SERINC3: variants seen among roughly 807,000 people sequenced by gnomAD.
The protein encoded by SERINC3 is tumor differentially expressed protein 1.
In SERINC3, 22 loss-of-function variants were observed where a neutral mutation model predicts 52.1. That is an observed-to-expected ratio of 0.42 (90% CI 0.30 to 0.60). The LOEUF (loss-of-function observed/expected upper bound fraction) is 0.60. SERINC3 is among the 20% of genes least tolerant of loss of function. The pLI, the probability that SERINC3 is intolerant of heterozygous loss-of-function variation, is 0.16. For missense variants in SERINC3, 564 were observed against 584.6 expected (o/e 0.96, Z 0.36); for synonymous variants, 226 against 212.7 (o/e 1.06, Z -0.54).
At chr20:44,507,514 G>A (rs6031637) in intron 5 of SERINC3, among the ~76,000 whole-genome samples, 13 of 152,300 alleles carry the variant, frequency 8.5e-5, no homozygotes, top group African/African-American at 2.9e-4. Context: ...TGGAAAAGTG[G>A]CTCATTTGCT....
In SERINC3 at chr20:44,499,672, C is replaced by T. The variant is rs991216742; in HGVS notation, c.*624G>A. On this transcript the variant is annotated 3_prime_UTR_variant, in exon 10 of 10. Coordinates refer to ENST00000342374, the MANE Select transcript of SERINC3 (RefSeq NM_006811.4). Reference sequence around the variant, plus strand: ...TTAATACATCTGGCAAAGCACCAGACTTGAATCAAGCAGTCTCAATGCTAC... The same window carrying T: ...TTAATACATCTGGCAAAGCACCAGATTTGAATCAAGCAGTCTCAATGCTAC... 6.6e-6 allele frequency: 1 copy of T among 152,322 alleles called. No homozygotes were observed. The highest frequency in any genetic ancestry group is 1.5e-5 in the Non-Finnish European group (1 of 68,030). The allele number at this position is 152,322 out of a possible 1,614,324, so 9.4% of individuals were successfully genotyped here. A position where few individuals can be genotyped will look rare whatever the true frequency, so the allele number is the denominator to read the frequency against.
chr20:44,505,385 G>T (rs964166974), intron 6 of SERINC3, among the ~76,000 whole-genome samples: 1 of 152,108 alleles, frequency 6.6e-6, no homozygotes, highest in Non-Finnish European at 1.5e-5. Flanking sequence ...GAGTGCAGTG[G>T]TGCGATCTCA....
At position 44,500,333 on chromosome 20, in the gene SERINC3, A is replaced by T; in HGVS notation, c.1385T>A (p.Val462Glu). 3 of 1,611,044 alleles carry T rather than the reference A, an allele frequency of 1.9e-6. No individual in the cohort carries two copies. The highest frequency in any genetic ancestry group is 2.5e-6 in the Non-Finnish European group (3 of 1,178,822). The change falls in exon 10 of 10, where the codon GTG (valine) becomes GAG (glutamate). Residue 462 changes from valine (V) to glutamate (E), a missense_variant. Coordinates refer to ENST00000342374, the MANE Select transcript of SERINC3 (RefSeq NM_006811.4). The stretch of plus-strand genomic sequence containing the variant: ...CCGACTGGTGAGGACAAGTGGAGCC[A>T]CAAGGGTCCAGACGTAAAGCAGGAG... Reference protein sequence around the residue: ...VCLLLYVWTLVAPLVLTSRDF... With the variant: ...VCLLLYVWTLEAPLVLTSRDF...
chr20:44,521,036 T>A (rs2425643), intron 1 of SERINC3, among the ~76,000 whole-genome samples: 2 of 152,166 alleles, frequency 1.3e-5, no homozygotes, highest in East Asian at 3.9e-4. Context: ...CAAGTTGGCA[T>A]CCCCTGCAGA....
intron 7 of SERINC3, among the ~76,000 whole-genome samples, chr20:44,504,222 T>A (rs2064297718): frequency 6.6e-6 from 1 of 151,726 alleles, no homozygotes; most frequent in Non-Finnish European, 1.5e-5. Context: ...TTCATAAACA[T>A]CATTATTGAT....
chr20:44,501,141 G>C lies in SERINC3; in HGVS notation c.1215C>G (p.Tyr405Ter). 1 of 1,614,104 alleles carries C rather than the reference G, an allele frequency of 6.2e-7. No individual in the cohort carries two copies. The highest frequency in any genetic ancestry group is 8.5e-7 in the Non-Finnish European group (1 of 1,180,018). ...AGCAGAGCATGAGGTGGAATAAGGA[G>C]TAGCTATACTGCACTCCCTCTTTCT... is the stretch of plus-strand genomic sequence containing the variant. ...DNEKEGVQYS[Y>*]SLFHLMLCLA... Residue 405 changes from tyrosine to a stop codon, truncating the protein, a stop_gained, in exon 9 of 10, where the codon TAC becomes TAG. Transcript: ENST00000342374. LOFTEE classifies it high-confidence loss of function.
At chr20:44,506,449 G>A (rs753166284) in intron 6 of SERINC3, among the ~76,000 whole-genome samples, 107 of 151,506 alleles carry the variant, frequency 7.1e-4, no homozygotes, top group Middle Eastern at 3.4e-3. Context: ...GGCCAGGCCC[G>A]GTGGTGGCTG....
In SERINC3 at chr20:44,509,888, T is replaced by C. The variant is rs2064336561; in HGVS notation, c.613+3A>G. On this transcript the variant is annotated splice_donor_region_variant and intron_variant, in intron 5 of 9. Coordinates refer to ENST00000342374, the MANE Select transcript of SERINC3 (RefSeq NM_006811.4). ...GCTAACATAGGTGAGTAGAGATACC[T>C]ACCAGCATACCACAACCTTGGGTTT... 2 of 1,614,102 alleles carry C rather than the reference T, an allele frequency of 1.2e-6. No individual in the cohort carries two copies. Among genetic ancestry groups the C allele is most frequent in the Non-Finnish European group, 1.7e-6 (2 of 1,179,948 alleles).
intron 3 of SERINC3, among the ~76,000 whole-genome samples, chr20:44,512,431 C>G (rs191161437): frequency 4.4e-4 from 66 of 151,546 alleles, no homozygotes; most frequent in African/African-American, 1.6e-3. Flanking sequence ...TATTCACTGA[C>G]TTTTGTACAC....
intron 8 of SERINC3, among the ~76,000 whole-genome samples, chr20:44,503,130 C>T (rs566608396): frequency 5.3e-5 from 8 of 152,244 alleles, no homozygotes; most frequent in Non-Finnish European, 1.0e-4. Context: ...AGTAAGGTAT[C>T]TTCATGGTCA....
chr20:44,514,016 A>T lies in SERINC3; in HGVS notation c.64T>A (p.Ser22Thr). 5.0e-6 allele frequency: 8 copies of T among 1,614,052 alleles called. No homozygotes were observed. Among genetic ancestry groups the T allele is most frequent in the Non-Finnish European group, 5.9e-6 (7 of 1,179,946 alleles). Residue 22 changes from serine (S) to threonine (T), a missense_variant, in exon 2 of 10, where the codon TCA becomes ACA. Physicochemically the swap from Ser to Thr is moderately conservative, Grantham distance 58. Coordinates refer to ENST00000342374, the MANE Select transcript of SERINC3 (RefSeq NM_006811.4). Reference sequence around the variant, plus strand: ...GGACAGCAACTACACAGCAAACATGAGGCACCGCTGCAGAGGCATGGAACC... The same window carrying T: ...GGACAGCAACTACACAGCAAACATGTGGCACCGCTGCAGAGGCATGGAACC... Reference protein sequence around the residue: ...SWVPCLCSGASCLLCSCCPNS... With the variant: ...SWVPCLCSGATCLLCSCCPNS...
At chr20:44,519,444 G>A (rs535341085) in intron 1 of SERINC3, 8 of 939,962 alleles carry the variant, frequency 8.5e-6, no homozygotes, top group African/African-American at 7.1e-5. Flanking sequence ...AAGAAAAATT[G>A]TACAGTAAAC....
rs749804578 is a variant in SERINC3, at chr20:44,506,996, G to A, written c.614C>T (p.Ala205Val). 3.1e-6 allele frequency: 5 copies of A among 1,590,294 alleles called. No homozygotes were observed. The highest frequency in any genetic ancestry group is 3.7e-5 in the Admixed American group (2 of 54,516). The change falls in exon 6 of 10, where the codon GCT (alanine) becomes GTT (valine). Residue 205 changes from alanine (A) to valine (V), a missense_variant and splice_region_variant. By Grantham distance (64) the Ala-to-Val change is moderately conservative. Coordinates refer to ENST00000342374, the MANE Select transcript of SERINC3 (RefSeq NM_006811.4). ...AAAGGCGCTTGTGAAAGACAGTAAAGCTGGAGAAAGGGAAACCAATATGAA... is the reference window on the plus strand; with the variant it reads ...AAAGGCGCTTGTGAAAGACAGTAAAACTGGAGAAAGGGAAACCAATATGAA... ...EEGNPRLWYAALLSFTSAFYI... is the reference protein window; with the variant it reads ...EEGNPRLWYAVLLSFTSAFYI...
chr20:44,501,184 C>T lies in SERINC3; in HGVS notation c.1172G>A (p.Arg391Gln), dbSNP rs1407900622. 5 of 1,613,912 alleles carry T rather than the reference C, an allele frequency of 3.1e-6. No individual in the cohort carries two copies. The highest frequency in any genetic ancestry group is 1.3e-5 in the African/African-American group (1 of 74,914). ...CTCTTTCTCGTTGTCCACAGCCCGCCGAGGCTGTCCATCTTCTTCATCACT... is the reference window on the plus strand; with the variant it reads ...CTCTTTCTCGTTGTCCACAGCCCGCTGAGGCTGTCCATCTTCTTCATCACT... ...GASDEEDGQP[R>Q]RAVDNEKEGV... Residue 391 changes from arginine to glutamine, a missense_variant, in exon 9 of 10, where the codon CGG becomes CAG. Physicochemically the swap from Arg to Gln is conservative, Grantham distance 43 (BLOSUM62 1). Coordinates refer to ENST00000342374, the MANE Select transcript of SERINC3 (RefSeq NM_006811.4).
rs753524037 is a variant in SERINC3 at position 44,511,309 on chromosome 20, G to A, written c.455C>T (p.Pro152Leu). 5.6e-6 allele frequency: 9 copies of A among 1,611,730 alleles called. No homozygotes were observed. The African/African-American group carries it at 8.0e-5, about 14-fold the overall frequency. Residue 152 changes from proline to leucine, a missense_variant, in exon 4 of 10, where the codon CCT (proline) becomes CTT (leucine). Coordinates refer to ENST00000342374, the MANE Select transcript of SERINC3 (RefSeq NM_006811.4). ...CCTACCTGAGCTGAAATAGCCCCCA[G>A]GGATGTAGAAAGAGCCAACCATGAT... Reference protein sequence around the residue: ...IGIMVGSFYIPGGYFSSVWFV... With the variant: ...IGIMVGSFYILGGYFSSVWFV...
At chr20:44,517,825 T>C (rs544736230) in intron 1 of SERINC3, among the ~76,000 whole-genome samples, 4 of 152,378 alleles carry the variant, frequency 2.6e-5, no homozygotes, top group African/African-American at 9.6e-5. Flanking sequence ...AGACTATCTT[T>C]ACAACGTTAT....
intron 5 of SERINC3, among the ~76,000 whole-genome samples, chr20:44,507,657 G>T (rs907550114): frequency 1.3e-5 from 2 of 152,162 alleles, no homozygotes; most frequent in African/African-American, 2.4e-5. Flanking sequence ...GATTGCTTGA[G>T]CCTGAGTTCC....
chr20:44,504,491 T>C (rs2064299202), intron 7 of SERINC3, among the ~76,000 whole-genome samples: 1 of 152,184 alleles, frequency 6.6e-6, no homozygotes, highest in Admixed American at 6.5e-5. Flanking sequence ...CAAACTAAAA[T>C]TCAGTCACAA....
intron 5 of SERINC3, among the ~76,000 whole-genome samples, chr20:44,508,354 G>A (rs1790741371): frequency 6.6e-6 from 1 of 151,826 alleles, no homozygotes; most frequent in Non-Finnish European, 1.5e-5. Flanking sequence ...AGGCGTGGTA[G>A]TGTGGGTGTG....
Sources: gnomAD v4.1 joint callset for allele counts (sites outside exome capture counted in the v4.1 genomes callset) on GRCh38, gnomAD v4.1.1 for gene constraint, MANE v1.5 for transcripts, NCBI Gene and HGNC (gene_info 2026-07-23, HGNC 2026-07-21) for gene names.